OSTF1: variants seen among roughly 807,000 people sequenced by gnomAD.
The protein encoded by OSTF1 is osteoclast-stimulating factor 1.
A neutral mutation model predicts 37.2 loss-of-function variants in OSTF1; 27 were observed. That is an observed-to-expected ratio of 0.73 (90% CI 0.54 to 1.00). The LOEUF is 1.00. OSTF1 is among the 50% of genes least tolerant of loss of function. OSTF1 has a pLI of 0.00. For missense variants in OSTF1, 232 were observed against 253.8 expected, an observed-to-expected ratio of 0.91 and a Z score of 0.58; for synonymous variants, 82 against 89.2, an observed-to-expected ratio of 0.92 and a Z score of 0.46.
chr9:75,116,114 A>T (rs962477155), intron 1 of OSTF1, among the ~76,000 whole-genome samples: 5 of 151,748 alleles, frequency 3.3e-5, no homozygotes, highest in Non-Finnish European at 5.9e-5. Flanking sequence ...AAATAATAAT[A>T]ATTATTATTA....
At chr9:75,119,187 T>C (rs770433135) in intron 2 of OSTF1, among the ~76,000 whole-genome samples, 3 of 152,222 alleles carry the variant, frequency 2.0e-5, no homozygotes, top group Non-Finnish European at 4.4e-5. Flanking sequence ...TGATTCCTCA[T>C]GTGAAAGTGG....
intron 8 of OSTF1, among the ~76,000 whole-genome samples, chr9:75,139,455 G>A (rs889753203): frequency 6.6e-6 from 1 of 151,478 alleles, no homozygotes; most frequent in Non-Finnish European, 1.5e-5. Context: ...CTTTGAGACT[G>A]TCTGGCTCTA....
intron 1 of OSTF1, among the ~76,000 whole-genome samples, chr9:75,105,999 C>T (rs1036619477): frequency 2.6e-5 from 4 of 152,204 alleles, no homozygotes; most frequent in South Asian, 2.1e-4. Context: ...TGTCAGAAAA[C>T]ACTCAGGCTA....
intron 1 of OSTF1, among the ~76,000 whole-genome samples, chr9:75,105,599 A>G (rs571619739): frequency 6.6e-6 from 1 of 152,132 alleles, no homozygotes; most frequent in South Asian, 2.1e-4. Flanking sequence ...GAGCCTTTGG[A>G]CTGATCTTGC....
intron 3 of OSTF1, among the ~76,000 whole-genome samples, chr9:75,129,963 A>G (rs1224061175): frequency 1.3e-5 from 2 of 152,174 alleles, no homozygotes; most frequent in African/African-American, 2.4e-5. Flanking sequence ...TGTCTTTCAG[A>G]GATACGTACT....
At chr9:75,114,260 A>G (rs1270529412) in intron 1 of OSTF1, among the ~76,000 whole-genome samples, 2 of 152,162 alleles carry the variant, frequency 1.3e-5, no homozygotes, top group Non-Finnish European at 2.9e-5. Context: ...AATGTGCAGC[A>G]TTCTGTTTAA....
rs1323279901 is a variant in OSTF1 at position 75,140,952 on chromosome 9, C to T, written c.586+20C>T. ...GAACAGGTATTTGTTTTAAATTCTTCTTTCTCCTCTGGTGCCCCATAACTA... is the reference window on the plus strand; with the variant it reads ...GAACAGGTATTTGTTTTAAATTCTTTTTTCTCCTCTGGTGCCCCATAACTA... On this transcript the variant is annotated intron_variant, in intron 9 of 9. Coordinates refer to ENST00000346234, the MANE Select transcript of OSTF1 (RefSeq NM_012383.5). The T allele has an allele frequency of 2.0e-6, 3 of 1,507,280 alleles. No homozygotes were observed. In the African/African-American group the frequency reaches 4.1e-5, roughly 21 times the overall value. 93.4% of individuals were successfully genotyped at this position (1,507,280 alleles called of 1,614,324 possible).
chr9:75,126,290 T>G (rs1009570313), intron 2 of OSTF1, among the ~76,000 whole-genome samples: 1 of 152,212 alleles, frequency 6.6e-6, no homozygotes, highest in Non-Finnish European at 1.5e-5. Context: ...TATCAAAGCC[T>G]TTCTTTTAAA....
rs529293090 is a variant in OSTF1 at position 75,141,312 on chromosome 9, CAAAAAAA to C, written c.586+401_586+407del. Among the ~76,000 whole-genome samples the C allele has an allele frequency of 1.4e-4, 10 of 71,678 alleles. No individual in the cohort carries two copies. In the South Asian group the frequency reaches 2.0e-3, roughly 15 times the overall value. The allele number at this position is 71,678 out of a possible 152,430, so 47.0% of individuals were successfully genotyped here. ...AGACCATATCTCAAAAAAAGAAAAC[CAAAAAAA>C]AAAAAAAAAAAAAAAAAAAAGATAA... On this transcript the variant is annotated intron_variant, in intron 9 of 9. Transcript: ENST00000346234.
At chr9:75,141,018 G>C in intron 9 of OSTF1, 86 bp downstream of exon 9, 2 of 957,588 alleles carry the variant, frequency 2.1e-6, no homozygotes, top group Non-Finnish European at 3.2e-6. Context: ...GATAAACTCA[G>C]CTGAGTGCAG....
At chr9:75,143,178 C>T (rs1245982397) in intron 9 of OSTF1, among the ~76,000 whole-genome samples, 2 of 151,986 alleles carry the variant, frequency 1.3e-5, no homozygotes, top group Non-Finnish European at 2.9e-5. Context: ...TGACCTCAAG[C>T]GATCTGCCTG....
chr9:75,100,428 T>C (rs532325294), intron 1 of OSTF1, among the ~76,000 whole-genome samples: 10 of 152,274 alleles, frequency 6.6e-5, no homozygotes, highest in African/African-American at 2.4e-4. Flanking sequence ...AAGAGTTTTT[T>C]TTTTTAAAAA....
At chr9:75,143,840 C>A (rs1027652767) in intron 9 of OSTF1, among the ~76,000 whole-genome samples, 2 of 152,104 alleles carry the variant, frequency 1.3e-5, no homozygotes, top group East Asian at 1.9e-4. Flanking sequence ...CAACACCTGA[C>A]CATGTGGGAA....
rs1221073344 is a variant in OSTF1 at position 75,128,389 on chromosome 9, T to TTTTGTCC, written c.132+770_132+771insTTTGTCC. ...ATATATATATATATATATATATATA[T>TTTTGTCC]ATATATATATATATATATTTTGTCC... On this transcript the variant is annotated intron_variant, in intron 3 of 9. Transcript: ENST00000346234. Among the ~76,000 whole-genome samples, 13 of 98,220 alleles carry TTTTGTCC rather than the reference T, an allele frequency of 1.3e-4. 1 individual carries two copies. The highest frequency in any genetic ancestry group is 5.4e-4 in the African/African-American group (13 of 24,000). 64.4% of individuals were successfully genotyped at this position (98,220 alleles called of 152,430 possible).
chr9:75,114,073 A>G (rs778592047), intron 1 of OSTF1, among the ~76,000 whole-genome samples: 9 of 152,198 alleles, frequency 5.9e-5, no homozygotes, highest in Non-Finnish European at 1.2e-4. Flanking sequence ...CTAATTCACA[A>G]AACATAATGT....
chr9:75,096,037 G>A (rs1360870466), intron 1 of OSTF1, among the ~76,000 whole-genome samples: 4 of 152,154 alleles, frequency 2.6e-5, no homozygotes, highest in African/African-American at 9.6e-5. Context: ...GACTGCAGGC[G>A]CCCGCCACCA....
At chr9:75,106,460 C>T (rs1415984952) in intron 1 of OSTF1, among the ~76,000 whole-genome samples, 3 of 151,528 alleles carry the variant, frequency 2.0e-5, no homozygotes, top group African/African-American at 4.9e-5. Flanking sequence ...GCCTGGCCAA[C>T]GTGGTGAAAC....
At chr9:75,136,893 C>T (rs1825852106) in intron 7 of OSTF1, among the ~76,000 whole-genome samples, 1 of 152,146 alleles carries the variant, frequency 6.6e-6, no homozygotes, top group Admixed American at 6.5e-5. Flanking sequence ...CTCCAGTCTC[C>T]TGCCTGGGGG....
chr9:75,099,759 G>A (rs371732246), intron 1 of OSTF1, among the ~76,000 whole-genome samples: 48 of 152,300 alleles, frequency 3.2e-4, no homozygotes, highest in African/African-American at 1.2e-3. Flanking sequence ...AACCTGGAAG[G>A]CGGAGGTTGC....
Sources: gnomAD v4.1 joint callset for allele counts (sites outside exome capture counted in the v4.1 genomes callset) on GRCh38, gnomAD v4.1.1 for gene constraint, MANE v1.5 for transcripts, NCBI Gene and HGNC (gene_info 2026-07-23, HGNC 2026-07-21) for gene names.